The following ANKRD11 variants were observed in gnomAD, a reference collection of about 807,000 sequenced individuals.
ANKRD11 encodes the protein ankyrin repeat domain-containing protein 11.
ANKRD11 carries 17 observed loss-of-function variants against 195.7 expected under a neutral mutation model. The ratio of observed to expected loss-of-function variants is 0.09; its 90% CI spans 0.06 to 0.13. The LOEUF is 0.13. ANKRD11 is among the 10% of genes least tolerant of loss of function. The probability of loss-of-function intolerance (pLI) is 1.00; values close to 1 mark genes in which losing one functional copy is unlikely to be tolerated. For missense variants in ANKRD11, 3,735 were observed against 3,566.1 expected, an observed-to-expected ratio of 1.05 and a Z score of -1.21; for synonymous variants, 1,953 against 1,528.1, an observed-to-expected ratio of 1.28 and a Z score of -6.49.
intron 2 of ANKRD11, among the ~76,000 whole-genome samples, chr16:89,407,587 G>A (rs1484755851): frequency 3.9e-5 from 6 of 152,324 alleles, no homozygotes; most frequent in East Asian, 1.9e-4. Flanking sequence ...TTGGGAGGCC[G>A]AGGCAGGTGG....
intron 1 of ANKRD11, among the ~76,000 whole-genome samples, chr16:89,458,158 C>A (rs943976001): frequency 6.6e-6 from 1 of 151,618 alleles, no homozygotes; most frequent in African/African-American, 2.4e-5. Context: ...AAATAAAACT[C>A]AACCAATTTT....
intron 1 of ANKRD11, among the ~76,000 whole-genome samples, chr16:89,438,012 T>C (rs961412094): frequency 3.9e-5 from 6 of 152,222 alleles, no homozygotes; most frequent in African/African-American, 1.4e-4. Flanking sequence ...CCATTGTATT[T>C]CTAGACACCA....
At chr16:89,289,786 A>T (rs2034902424) in intron 6 of ANKRD11, among the ~76,000 whole-genome samples, 1 of 152,196 alleles carries the variant, frequency 6.6e-6, no homozygotes, top group African/African-American at 2.4e-5. Context: ...CACAGCTATA[A>T]TCCCAGCACT....
chr16:89,439,065 A>AG (rs2043337118), intron 1 of ANKRD11, among the ~76,000 whole-genome samples: 1 of 152,036 alleles, frequency 6.6e-6, no homozygotes, highest in Non-Finnish European at 1.5e-5. Flanking sequence ...AAAAAAAAAA[A>AG]GAACTGTATT....
intron 2 of ANKRD11, chr16:89,324,492 TC>T (rs766400485): frequency 4.4e-6 from 2 of 456,400 alleles, no homozygotes; most frequent in African/African-American, 4.0e-5. Context: ...GTGTAACTGT[TC>T]CTGGGAGCAT....
intron 1 of ANKRD11, among the ~76,000 whole-genome samples, chr16:89,486,552 G>A (rs1174152498): frequency 6.6e-6 from 1 of 152,078 alleles, no homozygotes; most frequent in African/African-American, 2.4e-5. Flanking sequence ...TGAGATGGCA[G>A]CGAGGTATGT....
At chr16:89,447,540 C>T (rs563933147) in intron 1 of ANKRD11, among the ~76,000 whole-genome samples, 2 of 152,268 alleles carry the variant, frequency 1.3e-5, no homozygotes, top group African/African-American at 4.8e-5. Context: ...CCCATCCGTG[C>T]ACTCACACTC....
intron 2 of ANKRD11, among the ~76,000 whole-genome samples, chr16:89,367,157 G>A (rs1227778378): frequency 6.6e-6 from 1 of 152,160 alleles, no homozygotes; most frequent in East Asian, 1.9e-4. Context: ...GTGAGGAAGA[G>A]CAGGCACCTC....
rs1364883146 is a variant in ANKRD11 at position 89,337,005 on chromosome 16, AC to A, written c.-59-19928del. Among the ~76,000 whole-genome samples the A allele has an allele frequency of 1.8e-3, 132 of 75,400 alleles. 1 individual carries two copies. Among genetic ancestry groups the A allele is most frequent in the African/African-American group, 6.9e-3 (118 of 17,172 alleles). 49.5% of individuals were successfully genotyped at this position (75,400 alleles called of 152,430 possible). ...GGCAACATGGTGAAACCCTGGCTCTACCAAAAAAAAAAAAAAAAAAAAAAAA... is the reference window on the plus strand; with the variant it reads ...GGCAACATGGTGAAACCCTGGCTCTACAAAAAAAAAAAAAAAAAAAAAAAA... On this transcript the variant is annotated intron_variant, in intron 2 of 12. Transcript: ENST00000301030.
At chr16:89,488,298 G>A (rs781217861) in intron 1 of ANKRD11, among the ~76,000 whole-genome samples, 6 of 151,998 alleles carry the variant, frequency 3.9e-5, no homozygotes, top group Non-Finnish European at 7.4e-5. Flanking sequence ...CATTCAGATG[G>A]CCAGCCTATC....
chr16:89,295,787 G>A (rs979236948), intron 4 of ANKRD11, among the ~76,000 whole-genome samples: 183 of 148,574 alleles, frequency 1.2e-3, no homozygotes, highest in African/African-American at 4.5e-3. Flanking sequence ...CGGAGCGGGG[G>A]CTGTGACCTT....
intron 1 of ANKRD11, chr16:89,422,157 G>C (rs1159324463): frequency 2.6e-5 from 4 of 152,060 alleles, no homozygotes; most frequent in African/African-American, 9.7e-5. Flanking sequence ...AAAAGTTAAA[G>C]TTACCTAAGA....
In ANKRD11 at chr16:89,270,415, G is replaced by A. The variant is rs1419212385; in HGVS notation, c.7806+402C>T. ...TCCCGGTGAGCAGCCCTCGCGACCG[G>A]GATAAGGGTGTGCTGCCCTTCCCGG... On this transcript the variant is annotated intron_variant, in intron 12 of 12. Transcript: ENST00000301030. 1.4e-4 allele frequency: 49 copies of A among 347,258 alleles called. No individual in the cohort carries two copies. In the Admixed American group the frequency reaches 2.0e-3, roughly 14 times the overall value. The allele number at this position is 347,258 out of a possible 1,614,324, so 21.5% of individuals were successfully genotyped here. A position where few individuals can be genotyped will look rare whatever the true frequency, so the allele number is the denominator to read the frequency against.
chr16:89,427,262 G>A (rs189217268), intron 1 of ANKRD11, among the ~76,000 whole-genome samples: 1 of 152,214 alleles, frequency 6.6e-6, no homozygotes, highest in Non-Finnish European at 1.5e-5. Flanking sequence ...AGAAACCGAA[G>A]ACCTAAATAA....
chr16:89,391,709 G>C (rs193179370), intron 2 of ANKRD11, among the ~76,000 whole-genome samples: 68 of 152,314 alleles, frequency 4.5e-4, no homozygotes, highest in Non-Finnish European at 2.8e-4. Flanking sequence ...AGCTGACAGA[G>C]AATCAGTAAG....
At chr16:89,338,500 C>T (rs929757195) in intron 2 of ANKRD11, among the ~76,000 whole-genome samples, 15 of 150,434 alleles carry the variant, frequency 1.0e-4, no homozygotes, top group East Asian at 1.9e-4. Flanking sequence ...GAGGCCGAGG[C>T]GGGCAATCAC....
intron 7 of ANKRD11, chr16:89,286,912 C>CAT (rs1333815725): frequency 1.2e-5 from 16 of 1,289,556 alleles, no homozygotes; most frequent in Non-Finnish European, 1.6e-5. Flanking sequence ...AAGAATCTGT[C>CAT]ATAACGTTTA....
chr16:89,326,911 A>G (rs528196473), intron 2 of ANKRD11, among the ~76,000 whole-genome samples: 3 of 152,366 alleles, frequency 2.0e-5, no homozygotes, highest in African/African-American at 7.2e-5. Context: ...GACAGGACTA[A>G]GGAGGTTCCA....
At chr16:89,376,198 T>A (rs142043193) in intron 2 of ANKRD11, among the ~76,000 whole-genome samples, 1 of 152,306 alleles carries the variant, frequency 6.6e-6, no homozygotes, top group African/African-American at 2.4e-5. Context: ...CAAATACCAA[T>A]AGACTCTAGT....
Sources: allele counts gnomAD v4.1 joint callset (sites outside exome capture counted in the v4.1 genomes callset), GRCh38; gene constraint gnomAD v4.1.1; transcripts MANE v1.5; gene names NCBI Gene and HGNC (gene_info 2026-07-23, HGNC 2026-07-21).